Variants in PIK3C2G observed in about 807,000 individuals in gnomAD.
PIK3C2G encodes the protein phosphatidylinositol 3-kinase C2 domain-containing subunit gamma.
PIK3C2G carries 168 observed loss-of-function variants against 181.1 expected under a neutral mutation model. That is an observed-to-expected ratio of 0.93 (90% CI 0.82 to 1.05). The LOEUF is 1.05. Ranked by LOEUF, PIK3C2G falls within the 50% of genes least tolerant of loss-of-function variation. PIK3C2G has a pLI of 0.00. For missense variants in PIK3C2G, 1,869 were observed against 1,732.8 expected, an observed-to-expected ratio of 1.08 and a Z score of -1.40; for synonymous variants, 573 against 592.2, an observed-to-expected ratio of 0.97 and a Z score of 0.47.
chr12:18,307,171 T>C (rs1341426179), intron 5 of PIK3C2G, among the ~76,000 whole-genome samples: 2 of 145,912 alleles, frequency 1.4e-5, no homozygotes, highest in Admixed American at 7.1e-5. Context: ...GCCTCAGAAA[T>C]ACTTTAAAAT....
chr12:18,460,116 G>A lies in PIK3C2G; in HGVS notation c.2505-28333G>A, dbSNP rs187301177. Reference sequence around the variant, plus strand: ...TACATGTTATACTTATTAAGGCAGAGTGATATCGTGTTTAAGAATAATGAC... The same window carrying A: ...TACATGTTATACTTATTAAGGCAGAATGATATCGTGTTTAAGAATAATGAC... On this transcript the variant is annotated intron_variant, in intron 18 of 32. Coordinates refer to ENST00000538779, the MANE Select transcript of PIK3C2G (RefSeq NM_001288772.2). Among the ~76,000 whole-genome samples the A allele has an allele frequency of 4.6e-5, 7 of 152,224 alleles. No individual in the cohort carries two copies. The East Asian group carries it at 1.2e-3, about 25-fold the overall frequency.
At chr12:18,666,187 T>G in the PIK3C2G span, among the ~76,000 whole-genome samples, 1 of 151,874 alleles carries the variant, frequency 6.6e-6, no homozygotes, top group South Asian at 2.1e-4. Context: ...AATTAATAAT[T>G]AAAAGATATT....
At position 18,562,698 on chromosome 12, in the gene PIK3C2G, T is replaced by C. The variant is rs1225623186; in HGVS notation, c.3591-5T>C. The C allele has an allele frequency of 6.5e-7, 1 of 1,541,600 alleles. No individual in the cohort carries two copies. Among genetic ancestry groups the C allele is most frequent in the Non-Finnish European group, 8.9e-7 (1 of 1,125,952 alleles). On this transcript the variant is annotated splice_region_variant and splice_polypyrimidine_tract_variant and intron_variant, in intron 26 of 32. Transcript: ENST00000538779. ...CTCACTATCTTTTCTTTTACATTTC[T>C]CTAGGAAAATAAAGGAAAGTCTGGA...
At chr12:18,717,049 A>C in the PIK3C2G span, among the ~76,000 whole-genome samples, 1 of 152,182 alleles carries the variant, frequency 6.6e-6, no homozygotes, top group Non-Finnish European at 1.5e-5. Context: ...GCCACTAGTC[A>C]CAAGGAAAAA....
chr12:18,536,144 C>G (rs766064601), intron 24 of PIK3C2G, among the ~76,000 whole-genome samples: 1 of 151,972 alleles, frequency 6.6e-6, no homozygotes, highest in Non-Finnish European at 1.5e-5. Context: ...GATCCACTTA[C>G]GGGTTTATGC....
chr12:18,555,147 A>G (rs1161494698), intron 26 of PIK3C2G, among the ~76,000 whole-genome samples: 1 of 152,146 alleles, frequency 6.6e-6, no homozygotes, highest in Admixed American at 6.6e-5. Flanking sequence ...TGAAACAGTT[A>G]TTCTATCCAA....
In PIK3C2G at chr12:18,290,836, CT is replaced by C; in HGVS notation, c.762-17del. On this transcript the variant is annotated intron_variant, in intron 3 of 32. Coordinates refer to ENST00000538779, the MANE Select transcript of PIK3C2G (RefSeq NM_001288772.2). ...TGCAGGTCTTGTCCTAAGTATTTTT[CT>C]TAACATATGTTTTTCAGAATCAGAG... is the stretch of plus-strand genomic sequence containing the variant. The C allele has an allele frequency of 6.5e-7, 1 of 1,537,668 alleles. No individual in the cohort carries two copies.
intron 18 of PIK3C2G, among the ~76,000 whole-genome samples, chr12:18,439,465 C>T (rs185846338): frequency 7.4e-4 from 112 of 152,082 alleles, no homozygotes; most frequent in African/African-American, 2.6e-3. Flanking sequence ...ATTACATTGA[C>T]GTTACTATTC....
chr12:18,659,716 C>A, the PIK3C2G span, among the ~76,000 whole-genome samples: 2,353 of 143,820 alleles, frequency 0.016, 55 homozygotes, highest in African/African-American at 0.057. Context: ...GGCACATGTG[C>A]ACAACGTGCA....
At position 18,460,854 on chromosome 12, in the gene PIK3C2G, T is replaced by C. The variant is rs2135935876; in HGVS notation, c.2505-27595T>C. Among the ~76,000 whole-genome samples, 4 of 152,114 alleles carry C rather than the reference T, an allele frequency of 2.6e-5. No homozygotes were observed. The South Asian group carries it at 8.3e-4, about 32-fold the overall frequency. On this transcript the variant is annotated intron_variant, in intron 18 of 32. Transcript: ENST00000538779. ...GTATTAGGGTAAAATCCCAGATCTC[T>C]CACTCATTATTTACATCACCTTACA...
chr12:18,305,082 C>A (rs978940572), intron 5 of PIK3C2G, among the ~76,000 whole-genome samples: 8 of 152,110 alleles, frequency 5.3e-5, no homozygotes, highest in African/African-American at 1.9e-4. Flanking sequence ...CATAGTGCTT[C>A]ACCTAATATT....
chr12:18,574,254 T>A (rs1013059788), intron 29 of PIK3C2G, among the ~76,000 whole-genome samples: 3 of 152,178 alleles, frequency 2.0e-5, no homozygotes, highest in Admixed American at 1.3e-4. Context: ...CCTTTTGGAT[T>A]TTTTGCGTTT....
chr12:18,292,684 C>G (rs563961059), intron 4 of PIK3C2G, among the ~76,000 whole-genome samples: 1 of 152,042 alleles, frequency 6.6e-6, no homozygotes, highest in African/African-American at 2.4e-5. Flanking sequence ...ATGACTTTAC[C>G]CTATAGCATG....
the PIK3C2G span, chr12:18,712,776 T>C: frequency 1.9e-6 from 3 of 1,563,796 alleles, no homozygotes; most frequent in Admixed American, 1.7e-5. Flanking sequence ...TTATAGGATT[T>C]TGAAGCAAGT....
chr12:18,617,151 G>C (rs945185923), intron 31 of PIK3C2G, among the ~76,000 whole-genome samples: 1 of 151,980 alleles, frequency 6.6e-6, no homozygotes, highest in Non-Finnish European at 1.5e-5. Context: ...TGCCATCTGA[G>C]GAAGCAGTCT....
intron 18 of PIK3C2G, among the ~76,000 whole-genome samples, chr12:18,483,947 C>A (rs185489148): frequency 2.6e-5 from 4 of 152,250 alleles, no homozygotes; most frequent in Non-Finnish European, 5.9e-5. Flanking sequence ...TCTTCTCATT[C>A]CAGGACTAAA....
chr12:18,397,670 G>A (rs7132035), intron 15 of PIK3C2G, among the ~76,000 whole-genome samples: 21,438 of 151,974 alleles, frequency 0.14, 1,980 homozygotes, highest in South Asian at 0.36. Context: ...ATACTCTGCA[G>A]GCAATAGTGT....
intron 1 of PIK3C2G, among the ~76,000 whole-genome samples, chr12:18,254,277 G>C (rs2136963196): frequency 6.6e-6 from 1 of 152,044 alleles, no homozygotes; most frequent in East Asian, 1.9e-4. Flanking sequence ...TGGAACCCTA[G>C]ACTTTATGAA....
intron 21 of PIK3C2G, among the ~76,000 whole-genome samples, chr12:18,496,868 G>A (rs951580635): frequency 1.3e-5 from 2 of 152,118 alleles, no homozygotes; most frequent in Non-Finnish European, 2.9e-5. Context: ...TCAAGAGTTA[G>A]TGGTCCCACA....
Sources: gnomAD v4.1 joint callset for allele counts (sites outside exome capture counted in the v4.1 genomes callset) on GRCh38, gnomAD v4.1.1 for gene constraint, MANE v1.5 for transcripts, NCBI Gene and HGNC (gene_info 2026-07-23, HGNC 2026-07-21) for gene names.